Variants in PHF20 observed in about 807,000 individuals in gnomAD.
The protein encoded by PHF20 is glioma-expressed antigen 2.
PHF20 carries 23 observed loss-of-function variants against 113.5 expected under a neutral mutation model. That is an observed-to-expected ratio of 0.20 (90% CI 0.15 to 0.29). The LOEUF (loss-of-function observed/expected upper bound fraction) is 0.29, where lower values mean the gene tolerates loss of function less well. Ranked by LOEUF, PHF20 falls within the 10% of genes least tolerant of loss-of-function variation. PHF20 has a pLI of 1.00. For synonymous variants in PHF20, 434 were observed against 457.3 expected (o/e 0.95, Z 0.65); for missense variants, 943 against 1,219.6 (o/e 0.77, Z 3.38).
intron 9 of PHF20, among the ~76,000 whole-genome samples, chr20:35,888,313 G>A (rs755869474): frequency 6.6e-5 from 10 of 152,156 alleles, no homozygotes; most frequent in Admixed American, 3.3e-4. Context: ...AAAATTTGTG[G>A]ACCATTTTTC....
At chr20:35,947,342 C>T in intron 17 of PHF20, 143 bp from the exon 18 acceptor site, 2 of 711,602 alleles carry the variant, frequency 2.8e-6, no homozygotes, top group Non-Finnish European at 4.5e-6. Flanking sequence ...AATGGCCCTT[C>T]CTCCCTTGCC....
intron 1 of PHF20, among the ~76,000 whole-genome samples, chr20:35,779,681 G>A (rs2041247575): frequency 1.3e-5 from 2 of 151,686 alleles, no homozygotes; most frequent in Non-Finnish European, 2.9e-5. Flanking sequence ...CACCATGCCT[G>A]GGTAATTTTT....
chr20:35,885,329 AT>A lies in PHF20; in HGVS notation c.1282+13508del, dbSNP rs1366086698. On this transcript the variant is annotated intron_variant, in intron 9 of 17. Transcript: ENST00000374012. ...TTCTTTGTGGAAAAAATGGGGGTAA[AT>A]TTTTTTTATTTCTGGTCAAGATCCA... Among the ~76,000 whole-genome samples, 7 of 151,852 alleles carry A rather than the reference AT, an allele frequency of 4.6e-5. 1 individual carries two copies. Among genetic ancestry groups the A allele is most frequent in the Non-Finnish European group, 8.8e-5 (6 of 67,960 alleles).
At chr20:35,907,635 G>C (rs189651927) in intron 10 of PHF20, among the ~76,000 whole-genome samples, 1 of 152,348 alleles carries the variant, frequency 6.6e-6, no homozygotes, top group African/African-American at 2.4e-5. Flanking sequence ...TTAGTTATCA[G>C]AACAAACCCT....
rs1350555484 is a variant in PHF20 at position 35,910,997 on chromosome 20, C to A, written c.1562-2252C>A. ...ACTTGTTTTGTCTGGCTCCTTTCAC[C>A]CAGCATACTTTGAGATTCACTTATG... On this transcript the variant is annotated intron_variant, in intron 10 of 17. Transcript: ENST00000374012. 2.0e-5 allele frequency among the ~76,000 whole-genome samples: 3 copies of A among 152,088 alleles called. No homozygotes were observed. In the East Asian group the frequency reaches 5.8e-4, roughly 29 times the overall value.
intron 5 of PHF20, 93 bp downstream of exon 5, chr20:35,858,474 G>A: frequency 3.1e-6 from 2 of 647,932 alleles, no homozygotes; most frequent in Non-Finnish European, 5.4e-6. Flanking sequence ...GTTTATGATA[G>A]CAAGTGTTTA....
intron 2 of PHF20, among the ~76,000 whole-genome samples, chr20:35,838,993 CAAAA>C (rs796705349): frequency 4.6e-5 from 4 of 86,218 alleles, no homozygotes; most frequent in Admixed American, 1.3e-4. Flanking sequence ...GACCCTGTCT[CAAAA>C]AAAAAAAAAA....
At chr20:35,854,569 T>C (rs2042795410) in intron 4 of PHF20, among the ~76,000 whole-genome samples, 1 of 152,152 alleles carries the variant, frequency 6.6e-6, no homozygotes, top group South Asian at 2.1e-4. Flanking sequence ...TTCTGTCTGA[T>C]TTATTGAAGC....
chr20:35,946,562 C>G (rs907191307), intron 17 of PHF20, among the ~76,000 whole-genome samples: 2 of 151,794 alleles, frequency 1.3e-5, no homozygotes, highest in South Asian at 4.1e-4. Flanking sequence ...TACAAATAGA[C>G]CTTTTCAAGA....
chr20:35,931,054 A>G (rs975896735), intron 14 of PHF20, among the ~76,000 whole-genome samples, 195 bp from the exon 15 acceptor site: 6 of 152,318 alleles, frequency 3.9e-5, no homozygotes, highest in Non-Finnish European at 7.4e-5. Flanking sequence ...CTTATTCACT[A>G]CCTTATCCCC....
chr20:35,919,016 GT>G (rs200032177), intron 13 of PHF20, among the ~76,000 whole-genome samples: 2 of 149,712 alleles, frequency 1.3e-5, no homozygotes, highest in Admixed American at 6.7e-5. Flanking sequence ...CATGGGTTTG[GT>G]TTTTTTTTTC....
intron 1 of PHF20, among the ~76,000 whole-genome samples, chr20:35,794,522 G>T (rs2041629686): frequency 6.6e-6 from 1 of 152,064 alleles, no homozygotes; most frequent in Non-Finnish European, 1.5e-5. Flanking sequence ...ATTTAAAGTG[G>T]TTGTATTGAG....
chr20:35,787,896 G>C (rs1050688208), intron 1 of PHF20, among the ~76,000 whole-genome samples: 1 of 151,548 alleles, frequency 6.6e-6, no homozygotes, highest in Non-Finnish European at 1.5e-5. Flanking sequence ...TCCTGCCTCA[G>C]CCTCCCTGGT....
intron 2 of PHF20, among the ~76,000 whole-genome samples, chr20:35,807,607 C>T (rs2041907939): frequency 6.6e-6 from 1 of 152,094 alleles, no homozygotes; most frequent in Admixed American, 6.6e-5. Context: ...CTCACCTCGG[C>T]TTCCTAAAGT....
In PHF20 at chr20:35,791,799, G is replaced by A. The variant is rs1422018976; in HGVS notation, c.-32-9692G>A. Among the ~76,000 whole-genome samples the A allele has an allele frequency of 2.0e-5, 3 of 151,964 alleles. No homozygotes were observed. The Admixed American group carries it at 2.0e-4, about 10-fold the overall frequency. Reference sequence around the variant, plus strand: ...GCAGGTCCTACAAAATGTTGTCCGAGTGTGGGAGGTGAGGGAAGGAGAAGG... The same window carrying A: ...GCAGGTCCTACAAAATGTTGTCCGAATGTGGGAGGTGAGGGAAGGAGAAGG... On this transcript the variant is annotated intron_variant, in intron 1 of 17. Coordinates refer to ENST00000374012, the MANE Select transcript of PHF20 (RefSeq NM_016436.5).
At chr20:35,940,583 C>T (rs2055958400) in intron 16 of PHF20, among the ~76,000 whole-genome samples, 1 of 152,178 alleles carries the variant, frequency 6.6e-6, no homozygotes, top group African/African-American at 2.4e-5. Flanking sequence ...TCTCAGGGCT[C>T]TGGAAGCCAT....
chr20:35,901,525 A>G (rs1407364175), intron 10 of PHF20, among the ~76,000 whole-genome samples: 8 of 152,078 alleles, frequency 5.3e-5, no homozygotes, highest in African/African-American at 1.9e-4. Flanking sequence ...TGGGCTTTTT[A>G]CTTGAAATAA....
chr20:35,874,294 G>A (rs1395856771), intron 9 of PHF20, among the ~76,000 whole-genome samples: 2 of 152,144 alleles, frequency 1.3e-5, no homozygotes, highest in African/African-American at 2.4e-5. Context: ...ATTTCATAAT[G>A]TAGTATTATA....
At chr20:35,881,218 C>T (rs1018744189) in intron 9 of PHF20, among the ~76,000 whole-genome samples, 7 of 151,336 alleles carry the variant, frequency 4.6e-5, no homozygotes, top group South Asian at 2.1e-4. Context: ...CTACCATGCC[C>T]GACTAATTTT....
Sources: allele counts gnomAD v4.1 joint callset (sites outside exome capture counted in the v4.1 genomes callset), GRCh38; gene constraint gnomAD v4.1.1; transcripts MANE v1.5; gene names NCBI Gene and HGNC (gene_info 2026-07-23, HGNC 2026-07-21).